PCDH9: variants seen among roughly 807,000 people sequenced by gnomAD.
The protein encoded by PCDH9 is protocadherin-9.
In PCDH9, 24 loss-of-function variants were observed where a neutral mutation model predicts 70.6. The ratio of observed to expected loss-of-function variants is 0.34; its 90% CI spans 0.25 to 0.48. PCDH9 has a LOEUF of 0.48. Among genes scored for constraint, PCDH9 ranks in the 20% least tolerant of loss-of-function variants. The probability of loss-of-function intolerance (pLI) is 0.99; values close to 1 mark genes in which losing one functional copy is unlikely to be tolerated. For missense variants in PCDH9, 1,281 were observed against 1,503.6 expected (o/e 0.85, Z 2.45); for synonymous variants, 562 against 558.5 (o/e 1.01, Z -0.09).
At chr13:66,976,759 G>A (rs2083628295) in intron 2 of PCDH9, among the ~76,000 whole-genome samples, 1 of 152,004 alleles carries the variant, frequency 6.6e-6, no homozygotes, top group Non-Finnish European at 1.5e-5. Context: ...TCTAGTCCAG[G>A]ATATTACACT....
At chr13:66,860,335 G>GGGGGA (rs2081461790) in intron 3 of PCDH9, among the ~76,000 whole-genome samples, 1 of 152,096 alleles carries the variant, frequency 6.6e-6, no homozygotes, top group African/African-American at 2.4e-5. Context: ...TTTATTGGCT[G>GGGGGA]GGGGAGGGGA....
intron 4 of PCDH9, among the ~76,000 whole-genome samples, chr13:66,540,981 G>C (rs1261967762): frequency 6.6e-6 from 1 of 152,152 alleles, no homozygotes; most frequent in Non-Finnish European, 1.5e-5. Flanking sequence ...TCACACACCA[G>C]ATTAGGTTAG....
At chr13:67,063,563 G>C (rs1037876884) in intron 2 of PCDH9, among the ~76,000 whole-genome samples, 17 of 150,630 alleles carry the variant, frequency 1.1e-4, no homozygotes, top group African/African-American at 3.9e-4. Context: ...TTCTGATTCT[G>C]ATAATGGTCA....
At chr13:66,494,881 C>T (rs184929463) in intron 4 of PCDH9, among the ~76,000 whole-genome samples, 141 of 151,914 alleles carry the variant, frequency 9.3e-4, no homozygotes, top group East Asian at 9.1e-3. Flanking sequence ...AAACAAAAGC[C>T]AAATGTACAA....
At chr13:67,118,503 A>G (rs753736340) in intron 2 of PCDH9, among the ~76,000 whole-genome samples, 21 of 152,156 alleles carry the variant, frequency 1.4e-4, no homozygotes, top group Admixed American at 6.5e-5. Flanking sequence ...GTATGGCATA[A>G]TTGCCATATG....
intron 4 of PCDH9, among the ~76,000 whole-genome samples, chr13:66,434,220 A>T (rs1323215237): frequency 6.6e-6 from 1 of 151,930 alleles, no homozygotes; most frequent in African/African-American, 2.4e-5. Flanking sequence ...TTATGGTATG[A>T]TTTTACATGA....
intron 2 of PCDH9, among the ~76,000 whole-genome samples, chr13:67,142,597 G>A (rs1012613660): frequency 1.3e-5 from 2 of 152,142 alleles, no homozygotes; most frequent in Non-Finnish European, 2.9e-5. Flanking sequence ...ACCTTTGAGA[G>A]TGTATAGTGG....
intron 2 of PCDH9, among the ~76,000 whole-genome samples, chr13:67,019,896 A>G (rs1594399923): frequency 6.6e-6 from 1 of 152,188 alleles, no homozygotes; most frequent in South Asian, 2.1e-4. Flanking sequence ...GGGAGAGAGG[A>G]CTGTCTGGAT....
chr13:66,794,358 C>A (rs2080206515), intron 3 of PCDH9, among the ~76,000 whole-genome samples: 1 of 152,044 alleles, frequency 6.6e-6, no homozygotes, highest in Non-Finnish European at 1.5e-5. Flanking sequence ...CCAATTAATA[C>A]ACACCAATTT....
chr13:66,721,407 T>C (rs1299444161), intron 3 of PCDH9, among the ~76,000 whole-genome samples: 2 of 152,214 alleles, frequency 1.3e-5, no homozygotes, highest in Non-Finnish European at 2.9e-5. Context: ...AGTAAAGATA[T>C]CTGTTTATCT....
intron 3 of PCDH9, among the ~76,000 whole-genome samples, chr13:66,667,169 C>T (rs1023652806): frequency 1.3e-5 from 2 of 151,980 alleles, no homozygotes; most frequent in Non-Finnish European, 2.9e-5. Flanking sequence ...TACAAAATGG[C>T]TGTGCCTGAT....
intron 4 of PCDH9, among the ~76,000 whole-genome samples, chr13:66,506,416 A>C (rs574486615): frequency 0.013 from 1,969 of 152,374 alleles, 21 homozygotes; most frequent in Non-Finnish European, 0.021. Context: ...GGACAGAATA[A>C]GAGTTTATTA....
chr13:66,983,322 A>G (rs952864770), intron 2 of PCDH9, among the ~76,000 whole-genome samples: 2 of 152,098 alleles, frequency 1.3e-5, no homozygotes, highest in African/African-American at 4.8e-5. Flanking sequence ...ATAAAAAGTC[A>G]CTTTGTAGAA....
intron 4 of PCDH9, among the ~76,000 whole-genome samples, chr13:66,430,301 T>G (rs1175559921): frequency 6.6e-6 from 1 of 152,018 alleles, no homozygotes; most frequent in East Asian, 1.9e-4. Flanking sequence ...ACTCTTTCAT[T>G]TGATATATCA....
chr13:66,539,404 C>T (rs996754431), intron 4 of PCDH9, among the ~76,000 whole-genome samples: 1 of 152,084 alleles, frequency 6.6e-6, no homozygotes, highest in African/African-American at 2.4e-5. Flanking sequence ...CACCATGTTG[C>T]TGTTCTCATG....
intron 2 of PCDH9, among the ~76,000 whole-genome samples, chr13:66,919,314 A>C (rs193177361): frequency 9.9e-5 from 15 of 151,234 alleles, no homozygotes; most frequent in Admixed American, 8.6e-4. Flanking sequence ...TCTTAAAACA[A>C]ACTTGTCCAA....
At chr13:66,576,393 A>G (rs1932885) in intron 4 of PCDH9, among the ~76,000 whole-genome samples, 149,341 of 152,094 alleles carry the variant, frequency 0.98, 73,376 homozygotes, top group East Asian at 1. Context: ...ATTTCAGGTC[A>G]TAGATTCAAA....
At position 66,414,931 on chromosome 13, in the gene PCDH9, C is replaced by G. The variant is rs1957436604; in HGVS notation, c.3341-109903G>C. Among the ~76,000 whole-genome samples the G allele has an allele frequency of 2.0e-5, 3 of 151,972 alleles. 1 individual carries two copies. In the South Asian group the frequency reaches 6.2e-4, roughly 31 times the overall value. ...CTTACAAAAATAAGACAAAAAGAAACATCTGAAAGCGTAAAAATAATGTAC... is the reference window on the plus strand; with the variant it reads ...CTTACAAAAATAAGACAAAAAGAAAGATCTGAAAGCGTAAAAATAATGTAC... On this transcript the variant is annotated intron_variant, in intron 4 of 4. Coordinates refer to ENST00000377865, the MANE Select transcript of PCDH9 (RefSeq NM_203487.3).
chr13:66,348,354 C>A (rs1723074571), intron 4 of PCDH9, among the ~76,000 whole-genome samples: 1 of 151,742 alleles, frequency 6.6e-6, no homozygotes, highest in Non-Finnish European at 1.5e-5. Flanking sequence ...TGCCCCATGT[C>A]ATAAACAAGA....
Sources: gnomAD v4.1 joint callset for allele counts (sites outside exome capture counted in the v4.1 genomes callset) on GRCh38, gnomAD v4.1.1 for gene constraint, MANE v1.5 for transcripts, NCBI Gene and HGNC (gene_info 2026-07-23, HGNC 2026-07-21) for gene names.